Variants in EFCAB8 observed in about 807,000 individuals in gnomAD.
EFCAB8 encodes the protein EF-hand calcium-binding domain-containing protein 8.
In EFCAB8, 100 loss-of-function variants were observed where a neutral mutation model predicts 116.3. The observed-to-expected ratio is 0.86, with a 90% confidence interval of 0.73 to 1.02. The LOEUF is 1.02. EFCAB8 is among the 50% of genes least tolerant of loss of function. The probability of loss-of-function intolerance (pLI) is 0.00; values close to 1 mark genes in which losing one functional copy is unlikely to be tolerated. For missense variants in EFCAB8, 1,320 were observed against 1,416.9 expected, an observed-to-expected ratio of 0.93 and a Z score of 1.10; for synonymous variants, 558 against 567.9, an observed-to-expected ratio of 0.98 and a Z score of 0.25.
chr20:32,903,353 C>T (rs73249221), intron 11 of EFCAB8: 1,936 of 152,462 alleles, frequency 0.013, 39 homozygotes, highest in African/African-American at 0.044. Flanking sequence ...TGTTGTCCTC[C>T]GTCAAAGCCA....
At chr20:32,863,432 G>C (rs1984224705) in intron 1 of EFCAB8, among the ~76,000 whole-genome samples, 1 of 152,084 alleles carries the variant, frequency 6.6e-6, no homozygotes, top group African/African-American at 2.4e-5. Context: ...CTACCACATG[G>C]CCTCCTAAGA....
chr20:32,888,262 G>C (rs1378342604), intron 6 of EFCAB8, among the ~76,000 whole-genome samples: 1 of 152,020 alleles, frequency 6.6e-6, no homozygotes, highest in African/African-American at 2.4e-5. Context: ...GTCTTGCTCT[G>C]TCACCCGGGC....
chr20:32,944,048 A>G (rs1600458815), intron 23 of EFCAB8, among the ~76,000 whole-genome samples: 1 of 152,238 alleles, frequency 6.6e-6, no homozygotes. Context: ...CTGATAAAGC[A>G]TATTCCTTTC....
chr20:32,885,379 C>T (rs1985565022), intron 5 of EFCAB8, 126 bp from the exon 6 acceptor site: 5 of 1,284,300 alleles, frequency 3.9e-6, no homozygotes, highest in East Asian at 5.1e-5. Context: ...TGCGCATGTG[C>T]GTGCGTGTGC....
At chr20:32,859,103 T>C (rs1231506818) in intron 1 of EFCAB8, 97 bp downstream of exon 1, 4 of 464,108 alleles carry the variant, frequency 8.6e-6, no homozygotes, top group Admixed American at 2.4e-5. Context: ...GCAGCTCTTA[T>C]CTGTGTCCTG....
At chr20:32,872,702 GA>G (rs1197630337) in intron 3 of EFCAB8, among the ~76,000 whole-genome samples, 2 of 151,924 alleles carry the variant, frequency 1.3e-5, no homozygotes, top group Non-Finnish European at 2.9e-5. Flanking sequence ...GCTGAGCCAG[GA>G]GAATTTCTTG....
chr20:32,928,600 C>CT (rs528752871), intron 20 of EFCAB8, among the ~76,000 whole-genome samples: 3,665 of 151,986 alleles, frequency 0.024, 68 homozygotes, highest in Middle Eastern at 0.041. Flanking sequence ...TTGTTAGCCC[C>CT]TTTTTTTTGG....
chr20:32,956,852 T>A (rs1405768430), intron 23 of EFCAB8, among the ~76,000 whole-genome samples: 1 of 152,086 alleles, frequency 6.6e-6, no homozygotes, highest in Non-Finnish European at 1.5e-5. Flanking sequence ...CTATTACTTC[T>A]GCATTATTCT....
At chr20:32,948,884 C>G (rs1722673685) in intron 23 of EFCAB8, among the ~76,000 whole-genome samples, 2 of 152,012 alleles carry the variant, frequency 1.3e-5, no homozygotes, top group South Asian at 4.2e-4. Context: ...GTGAAAAAAC[C>G]TAAAACTAGC....
intron 23 of EFCAB8, among the ~76,000 whole-genome samples, chr20:32,950,053 A>C (rs113131912): frequency 1.3e-3 from 195 of 152,306 alleles, no homozygotes; most frequent in African/African-American, 4.4e-3. Flanking sequence ...TGGAACATAG[A>C]ACTAAAGGCA....
intron 17 of EFCAB8, among the ~76,000 whole-genome samples, chr20:32,914,760 C>G (rs1239248406): frequency 1.3e-5 from 2 of 152,194 alleles, no homozygotes; most frequent in African/African-American, 2.4e-5. Flanking sequence ...TACCAGGTCC[C>G]TCCCTCAACA....
chr20:32,883,248 G>C (rs1273029009), intron 5 of EFCAB8, among the ~76,000 whole-genome samples: 1 of 152,190 alleles, frequency 6.6e-6, no homozygotes, highest in Non-Finnish European at 1.5e-5. Flanking sequence ...ATATCCTTCA[G>C]TCGTAGGGGT....
intron 22 of EFCAB8, among the ~76,000 whole-genome samples, chr20:32,936,009 C>T (rs867584658): frequency 6.6e-6 from 1 of 151,748 alleles, no homozygotes; most frequent in African/African-American, 2.4e-5. Context: ...TCTATTTTTG[C>T]TTTTATTTAT....
In EFCAB8 at chr20:32,893,305, A is replaced by G. The variant is rs1160142170; in HGVS notation, c.883+7A>G. ...CCCAGGGCCTCCAAGTGGGGTAGCT[A>G]AGATGCTGGGGAAGGGGGCAGAGGC... On this transcript the variant is annotated splice_region_variant and intron_variant, in intron 9 of 26. Coordinates refer to ENST00000400522, the MANE Select transcript of EFCAB8 (RefSeq NM_001143967.2). 5 of 1,551,506 alleles carry G rather than the reference A, an allele frequency of 3.2e-6. No individual in the cohort carries two copies. The highest frequency in any genetic ancestry group is 4.4e-6 in the Non-Finnish European group (5 of 1,146,942).
At chr20:32,889,154 C>A in intron 6 of EFCAB8, 147 bp from the exon 7 acceptor site, 1 of 632,522 alleles carries the variant, frequency 1.6e-6, no homozygotes, top group Non-Finnish European at 2.8e-6. Context: ...TTATCCAAGG[C>A]CCCTATCACT....
Position 32,918,388 on chromosome 20 carries a change from T to C in EFCAB8, c.2088T>C (p.Ala696=), listed in dbSNP as rs1000713609. 1 of 1,551,718 alleles carries C rather than the reference T, an allele frequency of 6.4e-7. No individual in the cohort carries two copies. The highest frequency in any genetic ancestry group is 1.4e-5 in the African/African-American group (1 of 73,158). Residue 696 remains alanine, a synonymous_variant, in exon 19 of 27, where the codon GCT becomes GCC. Coordinates refer to ENST00000400522, the MANE Select transcript of EFCAB8 (RefSeq NM_001143967.2). Reference sequence around the variant, plus strand: ...TGCAAGATGTGAACAACTGCCTGGCTGAGAGCCACAGGCCCAGCAGACCCT... The same window carrying C: ...TGCAAGATGTGAACAACTGCCTGGCCGAGAGCCACAGGCCCAGCAGACCCT... ...KRVQDVNNCL[A]ESHRPSRPYV... is the part of the protein sequence containing the mutation.
intron 5 of EFCAB8, among the ~76,000 whole-genome samples, chr20:32,881,842 C>T (rs540528978): frequency 5.9e-5 from 9 of 152,292 alleles, no homozygotes; most frequent in South Asian, 4.2e-4. Context: ...GGGATGAAGG[C>T]GCAATCCACC....
chr20:32,946,133 G>A (rs1222478956), intron 23 of EFCAB8, among the ~76,000 whole-genome samples: 1 of 152,214 alleles, frequency 6.6e-6, no homozygotes, highest in Non-Finnish European at 1.5e-5. Context: ...CTCTGATAGT[G>A]TGTGCTAGTC....
intron 11 of EFCAB8, among the ~76,000 whole-genome samples, chr20:32,904,056 C>T (rs150243433): frequency 3.3e-5 from 5 of 152,166 alleles, no homozygotes; most frequent in African/African-American, 1.2e-4. Context: ...TTCTGTTGCC[C>T]AGGCTGGAGC....
Sources: allele counts gnomAD v4.1 joint callset (sites outside exome capture counted in the v4.1 genomes callset), GRCh38; gene constraint gnomAD v4.1.1; transcripts MANE v1.5; gene names NCBI Gene and HGNC (gene_info 2026-07-23, HGNC 2026-07-21).